SRGAP3: variants seen among roughly 807,000 people sequenced by gnomAD.
The protein encoded by SRGAP3 is SLIT-ROBO Rho GTPase-activating protein 3.
A neutral mutation model predicts 121.1 loss-of-function variants in SRGAP3; 39 were observed. The ratio of observed to expected loss-of-function variants is 0.32; its 90% CI spans 0.25 to 0.42. The LOEUF is 0.42. Ranked by LOEUF, SRGAP3 falls within the 10% of genes least tolerant of loss-of-function variation. The pLI, the probability that SRGAP3 is intolerant of heterozygous loss-of-function variation, is 1.00. For synonymous variants in SRGAP3, 601 were observed against 570.0 expected (o/e 1.05, Z -0.77); for missense variants, 1,213 against 1,470.6 (o/e 0.82, Z 2.86).
intron 1 of SRGAP3, among the ~76,000 whole-genome samples, chr3:9,229,068 C>CA (rs61231273): frequency 0.26 from 19,513 of 73,724 alleles, 2,578 homozygotes; most frequent in African/African-American, 0.3. Flanking sequence ...GACTCCGTCT[C>CA]AAAAAAAAAA....
Position 9,129,801 on chromosome 3 carries a change from G to A in SRGAP3, c.68-4884C>T, listed in dbSNP as rs192453915. On this transcript the variant is annotated intron_variant, in intron 1 of 21. Transcript: ENST00000383836. Reference sequence around the variant, plus strand: ...TTTTGAGACAGAGTCTTGCTCTGTCGCCCAGGCTGGAGTGCAGTGGCGCCA... The same window carrying A: ...TTTTGAGACAGAGTCTTGCTCTGTCACCCAGGCTGGAGTGCAGTGGCGCCA... Among the ~76,000 whole-genome samples, 7 of 149,690 alleles carry A rather than the reference G, an allele frequency of 4.7e-5. 1 individual carries two copies. The highest frequency in any genetic ancestry group is 2.0e-4 in the Admixed American group (3 of 14,942).
rs1388536831 is a variant in SRGAP3 at position 9,058,190 on chromosome 3, T to C, written c.1023+61A>G. The C allele has an allele frequency of 1.9e-6, 3 of 1,558,398 alleles. No homozygotes were observed. In the African/African-American group the frequency reaches 4.1e-5, roughly 21 times the overall value. ...GTACGTGCAACCAGGGATGATGTACTGGAGCACATGGGGGAACAGAGGGAA... is the reference window on the plus strand; with the variant it reads ...GTACGTGCAACCAGGGATGATGTACCGGAGCACATGGGGGAACAGAGGGAA... On this transcript the variant is annotated intron_variant, in intron 7 of 21. Coordinates refer to ENST00000383836, the MANE Select transcript of SRGAP3 (RefSeq NM_014850.4).
chr3:9,132,911 A>C (rs1949509145), intron 1 of SRGAP3, among the ~76,000 whole-genome samples: 1 of 104,246 alleles, frequency 9.6e-6, no homozygotes, highest in Admixed American at 1.1e-4. Context: ...TTTTACTCCC[A>C]CCTCTATCAA....
chr3:9,360,205 A>G (rs768056547), intron 1 of SRGAP3, among the ~76,000 whole-genome samples: 1 of 152,200 alleles, frequency 6.6e-6, no homozygotes, highest in Non-Finnish European at 1.5e-5. Flanking sequence ...CTAGAATTAC[A>G]GGCATGAGCC....
At chr3:9,076,620 A>C (rs936505597) in intron 4 of SRGAP3, among the ~76,000 whole-genome samples, 9 of 151,840 alleles carry the variant, frequency 5.9e-5, no homozygotes, top group African/African-American at 2.2e-4. Flanking sequence ...TTTAATTCCT[A>C]CCCATCCAAA....
In SRGAP3 at chr3:9,113,729, T is replaced by C. The variant is rs112640166; in HGVS notation, c.261-8887A>G. ...CGGTTCCCCCATGCTGTTCTCATGA[T>C]AGTGAATGAGTTCTCACAAGATCTG... On this transcript the variant is annotated intron_variant, in intron 2 of 21. Coordinates refer to ENST00000383836, the MANE Select transcript of SRGAP3 (RefSeq NM_014850.4). 7.8e-4 allele frequency among the ~76,000 whole-genome samples: 118 copies of C among 152,118 alleles called. 1 individual carries two copies. Among genetic ancestry groups the C allele is most frequent in the African/African-American group, 2.7e-3 (113 of 41,512 alleles).
chr3:9,015,900 G>T, intron 14 of SRGAP3, 169 bp from the exon 15 acceptor site: 1 of 683,254 alleles, frequency 1.5e-6, no homozygotes, highest in Non-Finnish European at 2.5e-6. Context: ...AGTTCTCCCT[G>T]CAACTTATTT....
intron 3 of SRGAP3, among the ~76,000 whole-genome samples, chr3:9,285,153 A>G (rs1202798536): frequency 6.6e-6 from 1 of 152,214 alleles, no homozygotes; most frequent in East Asian, 1.9e-4. Context: ...CATACTGGCA[A>G]TTCCCAACAA....
chr3:9,060,205 A>C (rs753033124), intron 6 of SRGAP3, 26 bp downstream of exon 6: 153 of 1,613,700 alleles, frequency 9.5e-5, no homozygotes, highest in Non-Finnish European at 1.3e-4. Flanking sequence ...GGCCCTGCTC[A>C]GTCCCAGACT....
At chr3:9,062,968 A>G (rs114293452) in intron 5 of SRGAP3, among the ~76,000 whole-genome samples, 4,747 of 152,220 alleles carry the variant, frequency 0.031, 239 homozygotes, top group African/African-American at 0.11. Context: ...ATCACTGTAC[A>G]TTCCCTTTAG....
intron 1 of SRGAP3, among the ~76,000 whole-genome samples, chr3:9,209,403 A>C (rs1952368280): frequency 6.6e-6 from 1 of 152,238 alleles, no homozygotes. Flanking sequence ...AAGGACTTAC[A>C]AATGGTCAAT....
At chr3:8,989,850 G>A (rs1049994719) in intron 21 of SRGAP3, among the ~76,000 whole-genome samples, 3 of 152,148 alleles carry the variant, frequency 2.0e-5, no homozygotes, top group Admixed American at 1.3e-4. Context: ...TTGCAGCTTC[G>A]GCTATTTAGC....
intron 3 of SRGAP3, among the ~76,000 whole-genome samples, chr3:9,286,113 A>AACACAC (rs34023408): frequency 0.017 from 2,359 of 135,038 alleles, 20 homozygotes; most frequent in Middle Eastern, 0.034. Context: ...CCCTATCTCA[A>AACACAC]ACACACACAC....
At chr3:9,149,075 G>A (rs1340446182) in intron 1 of SRGAP3, among the ~76,000 whole-genome samples, 5 of 151,914 alleles carry the variant, frequency 3.3e-5, no homozygotes, top group African/African-American at 7.3e-5. Flanking sequence ...TTAGCCGAGC[G>A]TGGTGGCAGG....
chr3:9,275,167 A>G (rs894273002), intron 3 of SRGAP3, among the ~76,000 whole-genome samples: 2 of 151,988 alleles, frequency 1.3e-5, no homozygotes, highest in African/African-American at 4.8e-5. Flanking sequence ...GAAAGTTTAC[A>G]TTGTGCATAA....
chr3:9,346,431 T>C (rs1471077670), intron 1 of SRGAP3, among the ~76,000 whole-genome samples: 2 of 152,120 alleles, frequency 1.3e-5, no homozygotes, highest in African/African-American at 2.4e-5. Flanking sequence ...TTAATCATTT[T>C]GTTCATTAAA....
chr3:9,263,880 A>G (rs1954302570), intron 3 of SRGAP3, among the ~76,000 whole-genome samples: 1 of 152,374 alleles, frequency 6.6e-6, no homozygotes, highest in South Asian at 2.1e-4. Context: ...TGAAGCCAGC[A>G]TCATCCTGAT....
intron 8 of SRGAP3, among the ~76,000 whole-genome samples, chr3:9,055,075 G>C (rs1356937568): frequency 6.6e-6 from 1 of 152,140 alleles, no homozygotes; most frequent in Non-Finnish European, 1.5e-5. Context: ...AAGATGTAGG[G>C]CATAAATAAA....
intron 3 of SRGAP3, 55 bp from the exon 4 acceptor site, chr3:9,080,142 C>G: frequency 6.3e-7 from 1 of 1,587,478 alleles, no homozygotes; most frequent in Non-Finnish European, 8.6e-7. Context: ...GCTACATTTA[C>G]CAATCTCTTT....
Sources: allele counts gnomAD v4.1 joint callset (sites outside exome capture counted in the v4.1 genomes callset), GRCh38; gene constraint gnomAD v4.1.1; transcripts MANE v1.5; gene names NCBI Gene and HGNC (gene_info 2026-07-23, HGNC 2026-07-21).